The following PRKCE variants were observed in gnomAD, a reference collection of about 807,000 sequenced individuals.
The protein encoded by PRKCE is protein kinase C epsilon type.
In PRKCE, 16 loss-of-function variants were observed where a neutral mutation model predicts 85.4. The observed-to-expected ratio is 0.19, with a 90% CI of 0.13 to 0.28. The LOEUF (loss-of-function observed/expected upper bound fraction) is 0.28. PRKCE is among the 10% of genes least tolerant of loss of function. The probability of loss-of-function intolerance (pLI) is 1.00; values close to 1 mark genes in which losing one functional copy is unlikely to be tolerated. For synonymous variants in PRKCE, 388 were observed against 371.5 expected (o/e 1.04, Z -0.51); for missense variants, 573 against 975.2 (o/e 0.59, Z 5.49).
chr2:45,900,242 C>T (rs1224595391), intron 2 of PRKCE, among the ~76,000 whole-genome samples: 1 of 152,164 alleles, frequency 6.6e-6, no homozygotes, highest in African/African-American at 2.4e-5. Flanking sequence ...ACCATATGAT[C>T]CAGCAATTCC....
At chr2:46,005,979 A>C (rs1705156868) in intron 8 of PRKCE, among the ~76,000 whole-genome samples, 1 of 152,162 alleles carries the variant, frequency 6.6e-6, no homozygotes, top group Non-Finnish European at 1.5e-5. Flanking sequence ...CCCAGGTAAG[A>C]GTTCAGAGAC....
At chr2:45,920,370 G>A (rs534056001) in intron 2 of PRKCE, among the ~76,000 whole-genome samples, 1 of 152,132 alleles carries the variant, frequency 6.6e-6, no homozygotes, top group African/African-American at 2.4e-5. Flanking sequence ...TTCTTCAAAC[G>A]ATTAAACGTG....
In PRKCE at chr2:45,744,200, C is replaced by T. The variant is rs533391298; in HGVS notation, c.348+91752C>T. Among the ~76,000 whole-genome samples the T allele has an allele frequency of 6.6e-5, 10 of 152,146 alleles. No individual in the cohort carries two copies. The East Asian group carries it at 1.4e-3, about 21-fold the overall frequency. ...CATGAGACATAATAGATACAATATG[C>T]GTAATATTCGTAGCTCAGGCACAGG... On this transcript the variant is annotated intron_variant, in intron 1 of 14. Transcript: ENST00000306156.
At position 45,980,659 on chromosome 2, in the gene PRKCE, G is replaced by A. The variant is rs1017103329; in HGVS notation, c.693+278G>A. On this transcript the variant is annotated intron_variant, in intron 5 of 14. Coordinates refer to ENST00000306156, the MANE Select transcript of PRKCE (RefSeq NM_005400.3). ...CAAGAAAAATATGAATTCTTTTATT[G>A]CATCATCTCATCAGAACTAAAATGG... 9.2e-5 allele frequency among the ~76,000 whole-genome samples: 14 copies of A among 152,264 alleles called. No homozygotes were observed. In the East Asian group the frequency reaches 2.5e-3, roughly 27 times the overall value.
At chr2:46,072,310 A>G (rs1668148598) in intron 10 of PRKCE, among the ~76,000 whole-genome samples, 1 of 152,080 alleles carries the variant, frequency 6.6e-6, no homozygotes, top group African/African-American at 2.4e-5. Flanking sequence ...TTAGTGTATT[A>G]TTTCCAAGTT....
chr2:45,869,213 A>C (rs773685782), intron 2 of PRKCE, among the ~76,000 whole-genome samples: 1 of 152,226 alleles, frequency 6.6e-6, no homozygotes, highest in Non-Finnish European at 1.5e-5. Flanking sequence ...CAGTAACTTG[A>C]TATTAATGAC....
chr2:45,813,132 A>G (rs1688771365), intron 1 of PRKCE, among the ~76,000 whole-genome samples: 1 of 152,194 alleles, frequency 6.6e-6, no homozygotes, highest in African/African-American at 2.4e-5. Context: ...GCAAAACTGC[A>G]GGGAATTCTG....
chr2:46,021,736 C>T (rs748179214), intron 10 of PRKCE, among the ~76,000 whole-genome samples: 57 of 152,144 alleles, frequency 3.7e-4, no homozygotes, highest in Non-Finnish European at 4.7e-4. Flanking sequence ...AGTTATCTAA[C>T]CCGGTCACCA....
At chr2:46,032,715 C>T (rs1381076835) in intron 10 of PRKCE, among the ~76,000 whole-genome samples, 2 of 152,160 alleles carry the variant, frequency 1.3e-5, no homozygotes, top group African/African-American at 2.4e-5. Flanking sequence ...AGGTCCTAAT[C>T]AGGAAGCTGA....
At chr2:46,097,345 C>T (rs1278901819) in intron 11 of PRKCE, among the ~76,000 whole-genome samples, 3 of 151,026 alleles carry the variant, frequency 2.0e-5, no homozygotes, top group Non-Finnish European at 4.4e-5. Context: ...GGGGAAACCC[C>T]GTCTCTACTA....
rs79427223 is a variant in PRKCE at position 45,929,102 on chromosome 2, C to T, written c.413-47327C>T. On this transcript the variant is annotated intron_variant, in intron 2 of 14. Coordinates refer to ENST00000306156, the MANE Select transcript of PRKCE (RefSeq NM_005400.3). ...CTCACTTCATCTCGAGAGCTCTCTT[C>T]CCATCCACCCCTCCTCTGGCAGGCT... 3.2e-3 allele frequency among the ~76,000 whole-genome samples: 490 copies of T among 152,302 alleles called. 3 individuals carry two copies. The highest frequency in any genetic ancestry group is 0.011 in the African/African-American group (458 of 41,544).
intron 2 of PRKCE, among the ~76,000 whole-genome samples, chr2:45,924,164 A>G (rs1247965231): frequency 2.0e-5 from 3 of 152,032 alleles, no homozygotes; most frequent in African/African-American, 2.4e-5. Context: ...ACCTTTCCTT[A>G]TGGGTGGGGA....
chr2:45,836,617 G>A (rs1327730638), intron 1 of PRKCE, among the ~76,000 whole-genome samples: 1 of 152,198 alleles, frequency 6.6e-6, no homozygotes, highest in Non-Finnish European at 1.5e-5. Context: ...GGTGCCTCCA[G>A]GGGAGAGGGG....
intron 2 of PRKCE, among the ~76,000 whole-genome samples, chr2:45,867,405 A>G (rs1177579201): frequency 2.0e-5 from 3 of 152,242 alleles, no homozygotes; most frequent in Non-Finnish European, 4.4e-5. Context: ...ATATAAGTAA[A>G]TATACTACAA....
intron 1 of PRKCE, among the ~76,000 whole-genome samples, chr2:45,717,227 A>G (rs1331544260): frequency 6.6e-6 from 1 of 152,124 alleles, no homozygotes; most frequent in Non-Finnish European, 1.5e-5. Flanking sequence ...CAGTTCTCCC[A>G]TTTGCCACCC....
At chr2:45,847,458 G>A (rs1691887073) in intron 2 of PRKCE, among the ~76,000 whole-genome samples, 1 of 152,184 alleles carries the variant, frequency 6.6e-6, no homozygotes, top group South Asian at 2.1e-4. Flanking sequence ...AACCTCTTCT[G>A]GACTTTTTTC....
At position 45,873,468 on chromosome 2, in the gene PRKCE, A is replaced by C. The variant is rs1267279562; in HGVS notation, c.412+30405A>C. 1.5e-4 allele frequency among the ~76,000 whole-genome samples: 22 copies of C among 147,852 alleles called. 1 individual carries two copies. The highest frequency in any genetic ancestry group is 4.5e-4 in the African/African-American group (17 of 38,104). On this transcript the variant is annotated intron_variant, in intron 2 of 14. Coordinates refer to ENST00000306156, the MANE Select transcript of PRKCE (RefSeq NM_005400.3). ...GATAGTAGACTGCAAAAAAAAAAAAAAAAAAAAACAAAAAAACCTGAGTCC... is the reference window on the plus strand; with the variant it reads ...GATAGTAGACTGCAAAAAAAAAAAACAAAAAAAACAAAAAAACCTGAGTCC...
intron 1 of PRKCE, among the ~76,000 whole-genome samples, chr2:45,834,024 T>A (rs1558729097): frequency 6.6e-6 from 1 of 152,210 alleles, no homozygotes; most frequent in South Asian, 2.1e-4. Flanking sequence ...TATGTATACA[T>A]AGAGTTATTC....
Position 45,849,349 on chromosome 2 carries a change from G to A in PRKCE, c.412+6286G>A, listed in dbSNP as rs529249402. Among the ~76,000 whole-genome samples, 4 of 152,206 alleles carry A rather than the reference G, an allele frequency of 2.6e-5. No individual in the cohort carries two copies. In the East Asian group the frequency reaches 7.7e-4, roughly 29 times the overall value. The stretch of plus-strand genomic sequence containing the variant: ...CAAGCCCAGGTACAGGCATCCCATC[G>A]TGGTCTTTGTGGTCTCTTTTCTCGC... On this transcript the variant is annotated intron_variant, in intron 2 of 14. Transcript: ENST00000306156.
Sources: allele counts gnomAD v4.1 joint callset (sites outside exome capture counted in the v4.1 genomes callset), GRCh38; gene constraint gnomAD v4.1.1; transcripts MANE v1.5; gene names NCBI Gene and HGNC (gene_info 2026-07-23, HGNC 2026-07-21).